The following SP4 variants were observed in gnomAD, a reference collection of about 807,000 sequenced individuals.
SP4 encodes Sp4 transcription factor, also known as transcription factor Sp4.
In SP4, 19 loss-of-function variants were observed where a neutral mutation model predicts 72.8. The ratio of observed to expected loss-of-function variants is 0.26; its 90% CI spans 0.18 to 0.38. SP4 has a LOEUF of 0.38. Among genes scored for constraint, SP4 ranks in the 10% least tolerant of loss-of-function variants. SP4 has a pLI of 1.00. For synonymous variants in SP4, 395 were observed against 333.1 expected (o/e 1.19, Z -2.02); for missense variants, 1,008 against 926.3 (o/e 1.09, Z -1.14).
intron 5 of SP4, among the ~76,000 whole-genome samples, chr7:21,493,651 T>G (rs952403688): frequency 1.3e-5 from 2 of 152,208 alleles, no homozygotes; most frequent in African/African-American, 2.4e-5. Context: ...CAAGAAGAGA[T>G]AGATAGCATG....
At chr7:21,465,454 C>A in intron 3 of SP4, among the ~76,000 whole-genome samples, 1 of 152,294 alleles carries the variant, frequency 6.6e-6, no homozygotes, top group African/African-American at 2.4e-5. Context: ...GCTATGTAAT[C>A]TTGGGAAATA....
At chr7:21,498,636 C>T (rs78366682) in intron 5 of SP4, among the ~76,000 whole-genome samples, 6,938 of 152,220 alleles carry the variant, frequency 0.046, 233 homozygotes, top group Non-Finnish European at 0.07. Flanking sequence ...AGTCAACCCT[C>T]AAGCATTTGA....
At chr7:21,430,948 C>G (rs1782830841) in intron 3 of SP4, 105 bp downstream of exon 3, 1 of 788,436 alleles carries the variant, frequency 1.3e-6, no homozygotes. Flanking sequence ...GAAGTAAACA[C>G]ACAATCATAA....
intron 5 of SP4, among the ~76,000 whole-genome samples, chr7:21,498,260 A>C (rs1475739234): frequency 2.0e-5 from 3 of 152,180 alleles, no homozygotes. Flanking sequence ...TAATCTAGAG[A>C]TGATTTAAAG....
chr7:21,451,293 T>TGA (rs1218294167), intron 3 of SP4, among the ~76,000 whole-genome samples: 1 of 152,222 alleles, frequency 6.6e-6, no homozygotes, highest in Non-Finnish European at 1.5e-5. Flanking sequence ...TTCTAGCTAC[T>TGA]GAGAGACTGC....
chr7:21,485,466 C>G (rs1451057827), intron 5 of SP4, among the ~76,000 whole-genome samples: 1 of 151,780 alleles, frequency 6.6e-6, no homozygotes, highest in African/African-American at 2.4e-5. Context: ...TCATAGCTAA[C>G]TATTTTAACT....
intron 3 of SP4, among the ~76,000 whole-genome samples, chr7:21,451,251 T>A (rs1478919421): frequency 6.6e-6 from 1 of 152,216 alleles, no homozygotes; most frequent in Non-Finnish European, 1.5e-5. Flanking sequence ...TGAGATCTTA[T>A]CAGGAAGCTG....
intron 3 of SP4, among the ~76,000 whole-genome samples, chr7:21,464,424 A>T (rs915777613): frequency 6.6e-6 from 1 of 152,070 alleles, no homozygotes; most frequent in African/African-American, 2.4e-5. Context: ...GAGCCTCGTG[A>T]TCTGGAAGGT....
intron 3 of SP4, among the ~76,000 whole-genome samples, chr7:21,438,175 C>T (rs183063165): frequency 4.6e-5 from 7 of 152,228 alleles, no homozygotes; most frequent in Admixed American, 4.6e-4. Flanking sequence ...ATTTTGTAGA[C>T]TGCAGAAGAA....
intron 5 of SP4, among the ~76,000 whole-genome samples, chr7:21,492,568 T>C (rs1364696640): frequency 6.6e-6 from 1 of 152,142 alleles, no homozygotes; most frequent in Non-Finnish European, 1.5e-5. Flanking sequence ...AGATAAGGGA[T>C]ACTTGACTGT....
At chr7:21,439,285 G>A (rs1373444390) in intron 3 of SP4, among the ~76,000 whole-genome samples, 2 of 151,090 alleles carry the variant, frequency 1.3e-5, no homozygotes, top group Admixed American at 6.6e-5. Context: ...AAATTTGTCA[G>A]TTTTCCCTAC....
At chr7:21,447,255 A>AC (rs1253197910) in intron 3 of SP4, among the ~76,000 whole-genome samples, 1 of 152,206 alleles carries the variant, frequency 6.6e-6, no homozygotes, top group Non-Finnish European at 1.5e-5. Context: ...GTTCAATATT[A>AC]CCTCCTAACC....
intron 3 of SP4, among the ~76,000 whole-genome samples, chr7:21,467,743 T>A (rs571367320): frequency 6.6e-6 from 1 of 152,148 alleles, no homozygotes; most frequent in African/African-American, 2.4e-5. Context: ...TCAATCTAGG[T>A]AGGCTCAGTT....
intron 3 of SP4, among the ~76,000 whole-genome samples, chr7:21,472,865 A>C (rs73685144): frequency 0.022 from 3,286 of 152,252 alleles, 126 homozygotes; most frequent in African/African-American, 0.074. Flanking sequence ...TCACAGAGTC[A>C]AAATTGAATA....
rs372451239 is a variant in SP4 at position 21,498,543 on chromosome 7, A to G, written c.2108-12479A>G. ...GTAAGGTAGGGGTGTTTCAGGAACT[A>G]CATGGCTCTCAGTTTGAATAACTTG... On this transcript the variant is annotated intron_variant, in intron 5 of 5. Transcript: ENST00000222584. Among the ~76,000 whole-genome samples the G allele has an allele frequency of 1.1e-3, 165 of 152,320 alleles. 1 individual carries two copies. Among genetic ancestry groups the G allele is most frequent in the African/African-American group, 3.8e-3 (160 of 41,566 alleles).
At chr7:21,503,030 A>C (rs142178204) in intron 5 of SP4, among the ~76,000 whole-genome samples, 3 of 150,346 alleles carry the variant, frequency 2.0e-5, no homozygotes, top group African/African-American at 4.9e-5. Flanking sequence ...TAGTGAGTCC[A>C]CCTCATGCAG....
intron 3 of SP4, among the ~76,000 whole-genome samples, chr7:21,449,182 A>G (rs913978305): frequency 2.0e-5 from 3 of 152,162 alleles, no homozygotes; most frequent in African/African-American, 7.2e-5. Flanking sequence ...AAGTTATTCA[A>G]ACTAGCCAAC....
intron 5 of SP4, among the ~76,000 whole-genome samples, chr7:21,500,027 TAGTA>T (rs1167530807): frequency 5.9e-5 from 9 of 152,328 alleles, no homozygotes; most frequent in Admixed American, 2.0e-4. Flanking sequence ...AATATTAAAA[TAGTA>T]AGTAGTCGAA....
At chr7:21,465,071 G>A (rs140971034) in intron 3 of SP4, among the ~76,000 whole-genome samples, 1 of 152,132 alleles carries the variant, frequency 6.6e-6, no homozygotes, top group Admixed American at 6.5e-5. Flanking sequence ...AGGGTTTTCC[G>A]GCTAGGAAGG....
Sources: gnomAD v4.1 joint callset for allele counts (sites outside exome capture counted in the v4.1 genomes callset) on GRCh38, gnomAD v4.1.1 for gene constraint, MANE v1.5 for transcripts, NCBI Gene and HGNC (gene_info 2026-07-23, HGNC 2026-07-21) for gene names.